Variants in MED10 observed in about 807,000 individuals in gnomAD.
MED10 encodes the protein mediator of RNA polymerase II transcription subunit 10.
In MED10, 9 loss-of-function variants were observed where a neutral mutation model predicts 17.2. That is an observed-to-expected ratio of 0.52 (90% CI 0.31 to 0.91). The LOEUF (loss-of-function observed/expected upper bound fraction) is 0.91, where lower values mean the gene tolerates loss of function less well. Among genes scored for constraint, MED10 ranks in the 40% least tolerant of loss-of-function variants. MED10 has a pLI of 0.04. For synonymous variants in MED10, 66 were observed against 59.8 expected, an observed-to-expected ratio of 1.10 and a Z score of -0.48; for missense variants, 129 against 164.8, an observed-to-expected ratio of 0.78 and a Z score of 1.19.
chr5:6,375,132 A>G lies in MED10; in HGVS notation c.207-706T>C, dbSNP rs146799013. Among the ~76,000 whole-genome samples, 768 of 152,246 alleles carry G rather than the reference A, an allele frequency of 5.0e-3. 6 individuals are homozygous for G. Among genetic ancestry groups the G allele is most frequent in the African/African-American group, 0.018 (729 of 41,526 alleles). ...AAAACTGTTACTTAGAATTTCTGAC[A>G]CTTCCCCCAGAAATTATCTTCAGTA... On this transcript the variant is annotated intron_variant, in intron 2 of 3. Transcript: ENST00000255764.
chr5:6,373,563 G>A (rs917414057), intron 3 of MED10, among the ~76,000 whole-genome samples: 24 of 152,148 alleles, frequency 1.6e-4, no homozygotes, highest in African/African-American at 5.5e-4. Context: ...AGGCGGAGAA[G>A]ATGACAGGAG....
chr5:6,375,631 G>A (rs1257609602), intron 2 of MED10, among the ~76,000 whole-genome samples: 1 of 152,188 alleles, frequency 6.6e-6, no homozygotes, highest in Non-Finnish European at 1.5e-5. Flanking sequence ...GTTCTTTGAA[G>A]ACCGAAGGGT....
intron 1 of MED10, among the ~76,000 whole-genome samples, chr5:6,377,452 G>C (rs1319157401): frequency 6.6e-6 from 1 of 152,200 alleles, no homozygotes; most frequent in Non-Finnish European, 1.5e-5. Flanking sequence ...TTAAATATTT[G>C]TTACTTTCCT....
intron 2 of MED10, 92 bp from the exon 3 acceptor site, chr5:6,374,518 T>C: frequency 2.2e-6 from 2 of 893,806 alleles, no homozygotes; most frequent in Non-Finnish European, 3.7e-6. Flanking sequence ...AGGTTAGGTA[T>C]ATATAACTGC....
At chr5:6,378,176 G>A (rs933518372) in intron 1 of MED10, among the ~76,000 whole-genome samples, 186 bp downstream of exon 1, 1 of 152,274 alleles carries the variant, frequency 6.6e-6, no homozygotes, top group South Asian at 2.1e-4. Context: ...CAACAGGCTG[G>A]AGCGCGGGCC....
Position 6,376,648 on chromosome 5 carries a change from G to A in MED10, c.206+518C>T, listed in dbSNP as rs183000572. 2.0e-5 allele frequency among the ~76,000 whole-genome samples: 3 copies of A among 152,286 alleles called. No individual in the cohort carries two copies. In the East Asian group the frequency reaches 5.8e-4, roughly 29 times the overall value. Reference sequence around the variant, plus strand: ...GTGAGCAGCCTCCCCAAACATACTTGGAATAAGAACCCTTTCTTTCCTCCT... The same window carrying A: ...GTGAGCAGCCTCCCCAAACATACTTAGAATAAGAACCCTTTCTTTCCTCCT... On this transcript the variant is annotated intron_variant, in intron 2 of 3. Coordinates refer to ENST00000255764, the MANE Select transcript of MED10 (RefSeq NM_032286.3).
intron 2 of MED10, among the ~76,000 whole-genome samples, chr5:6,374,974 G>A (rs989454765): frequency 5.9e-5 from 9 of 152,032 alleles, no homozygotes; most frequent in African/African-American, 1.9e-4. Flanking sequence ...CAGCCCTGAC[G>A]ACCCCAAGAT....
At position 6,372,378 on chromosome 5, in the gene MED10, A is replaced by G; in HGVS notation, c.*125T>C. On this transcript the variant is annotated 3_prime_UTR_variant, in exon 4 of 4. Transcript: ENST00000255764. The stretch of plus-strand genomic sequence containing the variant: ...CCATGAGGCCAAACAATGAGGACAG[A>G]GGGGCTGAGGGGTGTGTCCAGGGCC... 1.4e-6 allele frequency: 1 copy of G among 739,282 alleles called. No homozygotes were observed. The highest frequency in any genetic ancestry group is 2.3e-6 in the Non-Finnish European group (1 of 426,774). The allele number at this position is 739,282 out of a possible 1,614,324, so 45.8% of individuals were successfully genotyped here.
In MED10 at chr5:6,378,521, G is replaced by A. The variant is rs771937366; in HGVS notation, c.-38C>T. 4.4e-6 allele frequency: 7 copies of A among 1,588,160 alleles called. No individual in the cohort carries two copies. Among genetic ancestry groups the A allele is most frequent in the Non-Finnish European group, 5.1e-6 (6 of 1,165,852 alleles). ...TCCCCGACCCACACAGCCTCAACCA[G>A]CAGCGCCGCAGGCGTGGCCCTACGC... On this transcript the variant is annotated 5_prime_UTR_variant, in exon 1 of 4. Transcript: ENST00000255764.
At chr5:6,377,902 G>A (rs1272312425) in intron 1 of MED10, among the ~76,000 whole-genome samples, 4 of 152,202 alleles carry the variant, frequency 2.6e-5, no homozygotes, top group Non-Finnish European at 5.9e-5. Flanking sequence ...TTCCTCCACT[G>A]TCAGGCCTAT....
chr5:6,376,981 G>C (rs1738005098), intron 2 of MED10, 185 bp downstream of exon 2: 1 of 426,688 alleles, frequency 2.3e-6, no homozygotes, highest in Admixed American at 4.3e-5. Context: ...CATTAGAACG[G>C]AAGTTCCATA....
chr5:6,378,501 G>T lies in MED10; in HGVS notation c.-18C>A. The T allele has an allele frequency of 1.2e-6, 2 of 1,607,632 alleles. No individual in the cohort carries two copies. Among genetic ancestry groups the T allele is most frequent in the Non-Finnish European group, 8.5e-7 (1 of 1,176,654 alleles). On this transcript the variant is annotated 5_prime_UTR_variant, in exon 1 of 4. Transcript: ENST00000255764. ...TCCGCCATCGCCTCGGCCCGTCCCC[G>T]ACCCACACAGCCTCAACCAGCAGCG...
At chr5:6,374,942 A>T (rs886865836) in intron 2 of MED10, 2 of 153,424 alleles carry the variant, frequency 1.3e-5, no homozygotes, top group African/African-American at 4.8e-5. Flanking sequence ...AAAGGAAAGG[A>T]GAACTACAAG....
chr5:6,376,952 T>A lies in MED10; in HGVS notation c.206+214A>T, dbSNP rs1354434462. 4 of 393,580 alleles carry A rather than the reference T, an allele frequency of 1.0e-5. No homozygotes were observed. The Admixed American group carries it at 1.8e-4, about 18-fold the overall frequency. 24.4% of individuals were successfully genotyped at this position (393,580 alleles called of 1,614,324 possible). A position where few individuals can be genotyped will look rare whatever the true frequency, so the allele number is the denominator to read the frequency against. On this transcript the variant is annotated intron_variant, in intron 2 of 3. Coordinates refer to ENST00000255764, the MANE Select transcript of MED10 (RefSeq NM_032286.3). The stretch of plus-strand genomic sequence containing the variant: ...ACAATAGAATATTAAGGATATTCTT[T>A]TTTTTCGTTTTGTAATGCCATTAGA...
chr5:6,374,051 T>TA (rs1290480651), intron 3 of MED10, among the ~76,000 whole-genome samples: 1 of 152,182 alleles, frequency 6.6e-6, no homozygotes, highest in Non-Finnish European at 1.5e-5. Context: ...AAGTGCATCT[T>TA]AAAAAAATGA....
In MED10 at chr5:6,372,647, C is replaced by G. The variant is rs1294280315; in HGVS notation, c.310-46G>C. 4 of 1,462,002 alleles carry G rather than the reference C, an allele frequency of 2.7e-6. No homozygotes were observed. In the Admixed American group the frequency reaches 6.7e-5, roughly 25 times the overall value. The allele number at this position is 1,462,002 out of a possible 1,614,324, so 90.6% of individuals were successfully genotyped here. ...CAAAGGAGCTCTTCACATCAACACT[C>G]CAATAACTATTTAAAATATGCCTTT... On this transcript the variant is annotated intron_variant, in intron 3 of 3. Coordinates refer to ENST00000255764, the MANE Select transcript of MED10 (RefSeq NM_032286.3).
chr5:6,378,494 C>A lies in MED10; in HGVS notation c.-11G>T. 2 of 1,609,298 alleles carry A rather than the reference C, an allele frequency of 1.2e-6. No individual in the cohort carries two copies. Among genetic ancestry groups the A allele is most frequent in the Non-Finnish European group, 1.7e-6 (2 of 1,177,570 alleles). On this transcript the variant is annotated 5_prime_UTR_variant, in exon 1 of 4. Transcript: ENST00000255764. ...AAACTTCTCCGCCATCGCCTCGGCC[C>A]GTCCCCGACCCACACAGCCTCAACC...
chr5:6,376,617 A>C (rs574119296), intron 2 of MED10, among the ~76,000 whole-genome samples: 3 of 152,364 alleles, frequency 2.0e-5, no homozygotes, highest in Admixed American at 2.0e-4. Context: ...TCTCGCACAG[A>C]AAACAGTGAG....
At chr5:6,374,563 A>T (rs1326345758) in intron 2 of MED10, 137 bp from the exon 3 acceptor site, 1 of 640,236 alleles carries the variant, frequency 1.6e-6, no homozygotes, top group Non-Finnish European at 2.8e-6. Flanking sequence ...CAGTGTAGGA[A>T]CCAGGGGAAT....
Sources: allele counts gnomAD v4.1 joint callset (sites outside exome capture counted in the v4.1 genomes callset), GRCh38; gene constraint gnomAD v4.1.1; transcripts MANE v1.5; gene names NCBI Gene and HGNC (gene_info 2026-07-23, HGNC 2026-07-21).